SOX13: variants seen among roughly 807,000 people sequenced by gnomAD.
The protein encoded by SOX13 is transcription factor SOX-13.
A neutral mutation model predicts 71.8 loss-of-function variants in SOX13; 28 were observed. That is an observed-to-expected ratio of 0.39 (90% CI 0.29 to 0.53). SOX13 has a LOEUF of 0.53. SOX13 is among the 20% of genes least tolerant of loss of function. The probability of loss-of-function intolerance (pLI) is 0.70; values close to 1 mark genes in which losing one functional copy is unlikely to be tolerated. For synonymous variants in SOX13, 309 were observed against 317.8 expected, an observed-to-expected ratio of 0.97 and a Z score of 0.29; for missense variants, 627 against 810.3, an observed-to-expected ratio of 0.77 and a Z score of 2.75.
chr1:204,097,785 G>A (rs1656282742), intron 1 of SOX13, among the ~76,000 whole-genome samples: 1 of 151,612 alleles, frequency 6.6e-6, no homozygotes, highest in South Asian at 2.1e-4. Context: ...GATAGAAATA[G>A]GCCAAATTGT....
chr1:204,121,600 G>C (rs998590491), intron 7 of SOX13, among the ~76,000 whole-genome samples: 5 of 152,182 alleles, frequency 3.3e-5, no homozygotes, highest in Middle Eastern at 3.2e-3. Flanking sequence ...TGGATGAATA[G>C]GTGTTTTACC....
At chr1:204,074,200 C>T (rs1487581128) in intron 1 of SOX13, 3 of 152,362 alleles carry the variant, frequency 2.0e-5, no homozygotes, top group Admixed American at 2.0e-4. Context: ...CGCAGAGCTC[C>T]TCCACCATGG....
chr1:204,100,125 G>C (rs1230928310), intron 1 of SOX13, among the ~76,000 whole-genome samples: 2 of 152,222 alleles, frequency 1.3e-5, no homozygotes, highest in African/African-American at 4.8e-5. Context: ...GGGTGACAGA[G>C]TGAGACCCCA....
chr1:204,099,424 C>CTTTTTTT (rs200311750), intron 1 of SOX13, among the ~76,000 whole-genome samples: 13 of 93,450 alleles, frequency 1.4e-4, no homozygotes, highest in Non-Finnish European at 2.1e-4. Flanking sequence ...CTTTTTCTGG[C>CTTTTTTT]TTTTTTTTTT....
rs572251007 is a variant in SOX13 at position 204,088,787 on chromosome 1, C to T, written c.-2+15076C>T. On this transcript the variant is annotated intron_variant, in intron 1 of 13. Transcript: ENST00000367204. ...CCCACCCCAGCGGCCACCACCTCGC[C>T]TCGTCAGGGATCAGGACACCATGCC... Among the ~76,000 whole-genome samples the T allele has an allele frequency of 2.0e-3, 303 of 152,312 alleles. 3 individuals carry two copies. Among genetic ancestry groups the T allele is most frequent in the African/African-American group, 7.2e-3 (298 of 41,566 alleles).
At chr1:204,122,173 T>A (rs1432899100) in intron 8 of SOX13, 64 bp from the exon 9 acceptor site, 6 of 1,384,546 alleles carry the variant, frequency 4.3e-6, no homozygotes, top group Non-Finnish European at 5.9e-6. Flanking sequence ...TCACTTCCTC[T>A]CTGTCCTGCT....
At chr1:204,124,993 T>G (rs561830890) in intron 13 of SOX13, 136 bp downstream of exon 13, 1 of 675,116 alleles carries the variant, frequency 1.5e-6, no homozygotes, top group Admixed American at 2.2e-5. Context: ...GTGTGTGTGT[T>G]ATCTGTGTAT....
At chr1:204,093,319 A>G (rs1214483155) in intron 1 of SOX13, among the ~76,000 whole-genome samples, 1 of 152,240 alleles carries the variant, frequency 6.6e-6, no homozygotes, top group Non-Finnish European at 1.5e-5. Context: ...TCTACACTAC[A>G]CAGGATTGAT....
At chr1:204,116,276 G>A (rs984379018) in intron 4 of SOX13, 2 of 1,493,158 alleles carry the variant, frequency 1.3e-6, no homozygotes, top group Non-Finnish European at 9.0e-7. Context: ...CAGGGGGCCT[G>A]GAATTCATGG....
intron 1 of SOX13, among the ~76,000 whole-genome samples, chr1:204,088,811 C>A (rs951743348): frequency 2.0e-5 from 3 of 152,280 alleles, no homozygotes; most frequent in South Asian, 2.1e-4. Flanking sequence ...GGACACCATG[C>A]CTGGCACTCA....
Position 204,122,380 on chromosome 1 carries a change from C to T in SOX13, c.1005C>T (p.Ser335=), listed in dbSNP as rs1571595182. ...GCCCCACGCGGGACCTGCAGTCCAG[C>T]CCCCCGAGCCTGCCTCTGGGTAAGC... ...HGGPTRDLQS[S]PPSLPLGFLG... Residue 335 remains serine, a synonymous_variant, in exon 9 of 14, where the codon AGC becomes AGT. Coordinates refer to ENST00000367204, the MANE Select transcript of SOX13 (RefSeq NM_005686.3). 1 of 1,562,722 alleles carries T rather than the reference C, an allele frequency of 6.4e-7. No homozygotes were observed. The highest frequency in any genetic ancestry group is 8.7e-7 in the Non-Finnish European group (1 of 1,153,758).
At position 204,123,283 on chromosome 1, in the gene SOX13, C is replaced by A; in HGVS notation, c.1231+75C>A. ...TCCACCAGGGCCAGGGCTGTGTCTG[C>A]CTCTGATCTCTTCCCTCCCTTGGTC... is the stretch of plus-strand genomic sequence containing the variant. On this transcript the variant is annotated intron_variant, in intron 11 of 13. Transcript: ENST00000367204. The surrounding 1 kb of genome is among the most constrained non-coding windows in gnomAD (Gnocchi z 5.0). 1 of 1,188,948 alleles carries A rather than the reference C, an allele frequency of 8.4e-7. No individual in the cohort carries two copies. The highest frequency in any genetic ancestry group is 1.3e-6 in the Non-Finnish European group (1 of 795,458). The allele number at this position is 1,188,948 out of a possible 1,614,324, so 73.6% of individuals were successfully genotyped here.
intron 7 of SOX13, chr1:204,118,796 G>C (rs1656746667): frequency 6.6e-6 from 1 of 152,314 alleles, no homozygotes; most frequent in South Asian, 2.1e-4. Flanking sequence ...AGGGCAGTTG[G>C]GGAGGGAGCA....
intron 6 of SOX13, 36 bp from the exon 7 acceptor site, chr1:204,117,557 T>C (rs1432192664): frequency 2.2e-6 from 3 of 1,390,508 alleles, no homozygotes; most frequent in Non-Finnish European, 3.0e-6. Flanking sequence ...GCTCTTTGGG[T>C]CCCTGGGGAC....
At chr1:204,089,766 C>G (rs1363881566) in intron 1 of SOX13, among the ~76,000 whole-genome samples, 2 of 152,198 alleles carry the variant, frequency 1.3e-5, no homozygotes, top group African/African-American at 4.8e-5. Flanking sequence ...CCTGAGCTGG[C>G]CTCCACATTG....
chr1:204,096,270 C>T (rs145900068), intron 1 of SOX13, among the ~76,000 whole-genome samples: 2,118 of 107,814 alleles, frequency 0.02, 56 homozygotes, highest in African/African-American at 0.059. Context: ...GACAGGGTCT[C>T]ACTCTGTCTC....
chr1:204,117,435 C>A (rs755347669), intron 6 of SOX13, among the ~76,000 whole-genome samples, 158 bp from the exon 7 acceptor site: 1 of 152,232 alleles, frequency 6.6e-6, no homozygotes, highest in African/African-American at 2.4e-5. Context: ...CAGGGGCCCA[C>A]AGAGTTGGCC....
At chr1:204,097,283 A>C (rs1656270787) in intron 1 of SOX13, among the ~76,000 whole-genome samples, 1 of 152,186 alleles carries the variant, frequency 6.6e-6, no homozygotes, top group African/African-American at 2.4e-5. Context: ...GCAGCCATAG[A>C]GTGGAAGATG....
intron 7 of SOX13, among the ~76,000 whole-genome samples, chr1:204,121,099 C>T (rs2102263818): frequency 6.6e-6 from 1 of 152,138 alleles, no homozygotes; most frequent in South Asian, 2.1e-4. Flanking sequence ...CCTGCCTCAG[C>T]CTCCTGAATA....
Sources: allele counts gnomAD v4.1 joint callset (sites outside exome capture counted in the v4.1 genomes callset), GRCh38; gene constraint gnomAD v4.1.1; non-coding constraint Gnocchi (gnomAD v3.1); transcripts MANE v1.5; gene names NCBI Gene and HGNC (gene_info 2026-07-23, HGNC 2026-07-21).